Variants in ARHGEF33 observed in about 807,000 individuals in gnomAD.
The protein encoded by ARHGEF33 is Rho guanine nucleotide exchange factor 33.
Under a neutral mutation model 101.9 loss-of-function variants are expected in ARHGEF33, and 72 were observed. The ratio of observed to expected loss-of-function variants is 0.71; its 90% confidence interval spans 0.58 to 0.86. The LOEUF is 0.86. ARHGEF33 is among the 40% of genes least tolerant of loss of function. The probability of loss-of-function intolerance (pLI) is 0.00; values close to 1 mark genes in which losing one functional copy is unlikely to be tolerated. For missense variants in ARHGEF33, 1,169 were observed against 1,111.3 expected, an observed-to-expected ratio of 1.05 and a Z score of -0.74; for synonymous variants, 499 against 442.5, an observed-to-expected ratio of 1.13 and a Z score of -1.60.
chr2:38,932,405 G>A (rs754806454), intron 7 of ARHGEF33, among the ~76,000 whole-genome samples: 3 of 152,114 alleles, frequency 2.0e-5, no homozygotes, highest in African/African-American at 4.8e-5. Flanking sequence ...GGGATTACAG[G>A]CGTGAGCCAC....
In ARHGEF33 at chr2:38,898,229, A is replaced by G. The variant is rs141140061; in HGVS notation, c.-86+2380A>G. 2.9e-3 allele frequency among the ~76,000 whole-genome samples: 449 copies of G among 152,360 alleles called. 4 individuals are homozygous for G. Among genetic ancestry groups the G allele is most frequent in the Middle Eastern group, 0.01 (3 of 294 alleles). ...TTATTTAAAAAGATATATTGCTAAA[A>G]TCAAATGGAATTGATTGGAAAGCCA... is the stretch of plus-strand genomic sequence containing the variant. On this transcript the variant is annotated intron_variant, in intron 2 of 17. Transcript: ENST00000409978.
chr2:38,899,719 C>T (rs571541292), intron 2 of ARHGEF33, among the ~76,000 whole-genome samples: 1 of 152,200 alleles, frequency 6.6e-6, no homozygotes, highest in East Asian at 1.9e-4. Context: ...CTCACCACAA[C>T]AATGACAAGT....
intron 2 of ARHGEF33, among the ~76,000 whole-genome samples, chr2:38,897,824 C>G (rs958976046): frequency 2.6e-5 from 4 of 152,116 alleles, no homozygotes; most frequent in African/African-American, 9.7e-5. Context: ...TTGAAGGACG[C>G]TAGGAGTTTG....
intron 11 of ARHGEF33, among the ~76,000 whole-genome samples, chr2:38,952,205 A>G (rs775186518): frequency 3.3e-5 from 5 of 152,266 alleles, no homozygotes; most frequent in East Asian, 1.9e-4. Flanking sequence ...CTGTGTATCA[A>G]TTATTCTCAA....
chr2:38,967,831 C>T (rs541198985), intron 17 of ARHGEF33, among the ~76,000 whole-genome samples: 5 of 150,642 alleles, frequency 3.3e-5, no homozygotes, highest in East Asian at 2.0e-4. Context: ...CCATCTGCCT[C>T]GGCCTCCCAA....
In ARHGEF33 at chr2:38,975,026, G is replaced by T. The variant is rs1368237033; in HGVS notation, c.*1183G>T. The T allele has an allele frequency of 6.6e-6, 1 of 152,180 alleles. No homozygotes were observed. Among genetic ancestry groups the T allele is most frequent in the East Asian group, 1.9e-4 (1 of 5,206 alleles). 9.4% of individuals were successfully genotyped at this position (152,180 alleles called of 1,614,324 possible). ...TTTAAACAATTTGTCTTTATTCCCA[G>T]GCAGTTCGGTATAGTAAATTAGGGG... On this transcript the variant is annotated 3_prime_UTR_variant, in exon 18 of 18. Coordinates refer to ENST00000409978, the MANE Select transcript of ARHGEF33 (RefSeq NM_001145451.5).
intron 16 of ARHGEF33, among the ~76,000 whole-genome samples, chr2:38,961,432 A>G (rs1667937083): frequency 6.6e-6 from 1 of 152,152 alleles, no homozygotes; most frequent in South Asian, 2.1e-4. Flanking sequence ...GAGGGCATTT[A>G]AAGAGGTCTT....
chr2:38,932,216 G>A (rs1558432289), intron 7 of ARHGEF33, among the ~76,000 whole-genome samples: 1 of 151,944 alleles, frequency 6.6e-6, no homozygotes, highest in African/African-American at 2.4e-5. Context: ...TCTGCCTCCC[G>A]GGTTCAAGTG....
intron 10 of ARHGEF33, among the ~76,000 whole-genome samples, chr2:38,950,561 C>G (rs571274375): frequency 2.0e-5 from 3 of 152,308 alleles, no homozygotes; most frequent in East Asian, 3.9e-4. Flanking sequence ...AAGTGATTCT[C>G]CTGCCTTAGC....
intron 2 of ARHGEF33, among the ~76,000 whole-genome samples, chr2:38,904,338 C>T (rs995356875): frequency 6.6e-6 from 1 of 152,112 alleles, no homozygotes; most frequent in African/African-American, 2.4e-5. Flanking sequence ...GCCTCCTACA[C>T]ATCAGAAATG....
Position 38,928,943 on chromosome 2 carries a change from A to G in ARHGEF33, c.112A>G (p.Thr38Ala). The change falls in exon 5 of 18, where the codon ACA becomes GCA. Residue 38 changes from threonine to alanine, a missense_variant. Transcript: ENST00000409978. The stretch of plus-strand genomic sequence containing the variant: ...AGCCTCCGAACTCAAAACTGGTTTC[A>G]CAGAAGCAATGCAAGAACTGTCAAG... Reference protein sequence around the residue: ...ALASELKTGFTEAMQELSRIQ... With the variant: ...ALASELKTGFAEAMQELSRIQ... The G allele has an allele frequency of 2.6e-6, 4 of 1,551,056 alleles. No homozygotes were observed. The highest frequency in any genetic ancestry group is 3.5e-6 in the Non-Finnish European group (4 of 1,146,658).
rs1348726919 is a variant in ARHGEF33 at position 38,960,521 on chromosome 2, A to C, written c.2216A>C (p.Lys739Thr). Reference sequence around the variant, plus strand: ...AGCAGCGGCGGCCGCGCGCCCATCAAGGCCGAGCGCGCCGCGCAGGCGCAC... The same window carrying C: ...AGCAGCGGCGGCCGCGCGCCCATCACGGCCGAGCGCGCCGCGCAGGCGCAC... ...RSSSGGRAPIKAERAAQAHGP... is the reference protein window; with the variant it reads ...RSSSGGRAPITAERAAQAHGP... The change falls in exon 16 of 18, where the codon AAG becomes ACG. Residue 739 changes from lysine to threonine, a missense_variant. Transcript: ENST00000409978. The C allele has an allele frequency of 3.1e-5, 39 of 1,277,484 alleles. No homozygotes were observed. Among genetic ancestry groups the C allele is most frequent in the Non-Finnish European group, 3.3e-5 (33 of 1,012,320 alleles). 79.1% of individuals were successfully genotyped at this position (1,277,484 alleles called of 1,614,324 possible).
intron 7 of ARHGEF33, among the ~76,000 whole-genome samples, chr2:38,931,790 C>CA (rs1350681376): frequency 6.6e-6 from 1 of 151,794 alleles, no homozygotes. Context: ...AAAGTAAAAA[C>CA]AAAAAAAATT....
chr2:38,956,589 C>T (rs897853728), intron 13 of ARHGEF33, among the ~76,000 whole-genome samples: 12 of 152,144 alleles, frequency 7.9e-5, no homozygotes, highest in African/African-American at 2.9e-4. Context: ...TACTTATAGA[C>T]AGTAATTGTT....
chr2:38,905,533 G>C (rs936013254), intron 2 of ARHGEF33, among the ~76,000 whole-genome samples: 1 of 152,206 alleles, frequency 6.6e-6, no homozygotes, highest in Non-Finnish European at 1.5e-5. Flanking sequence ...AGCCCAGAGA[G>C]AGTGCCTGGC....
rs1267064894 is a variant in ARHGEF33, at chr2:38,959,957, G to A, written c.1652G>A (p.Ser551Asn). ...GGCAGGAAGCACGAGCGGCCCGAGA[G>A]CCTTCTGGCACCGACGCAGTTCTGC... ...LEGRKHERPE[S>N]LLAPTQFCAA... The change falls in exon 16 of 18, where the codon AGC becomes AAC. Residue 551 changes from serine to asparagine, a missense_variant. Physicochemically the swap from Ser to Asn is conservative, Grantham distance 46. Transcript: ENST00000409978. The A allele has an allele frequency of 6.4e-7, 1 of 1,551,394 alleles. No individual in the cohort carries two copies. Among genetic ancestry groups the A allele is most frequent in the Non-Finnish European group, 8.7e-7 (1 of 1,146,896 alleles).
intron 3 of ARHGEF33, among the ~76,000 whole-genome samples, chr2:38,920,930 G>A (rs1341505218): frequency 2.0e-5 from 3 of 152,128 alleles, no homozygotes; most frequent in Non-Finnish European, 4.4e-5. Flanking sequence ...AAAGATCAGA[G>A]GTGGGAGAAG....
intron 13 of ARHGEF33, among the ~76,000 whole-genome samples, chr2:38,955,976 A>T (rs1667743176): frequency 6.6e-6 from 1 of 152,118 alleles, no homozygotes. Context: ...CCCTGAAAAG[A>T]CTTTCAACTG....
At chr2:38,907,214 C>T (rs144160446) in intron 2 of ARHGEF33, among the ~76,000 whole-genome samples, 8 of 152,260 alleles carry the variant, frequency 5.3e-5, no homozygotes, top group East Asian at 3.9e-4. Flanking sequence ...CAAGTATGCA[C>T]GGGCTGTGGA....
Sources: gnomAD v4.1 joint callset for allele counts (sites outside exome capture counted in the v4.1 genomes callset) on GRCh38, gnomAD v4.1.1 for gene constraint, MANE v1.5 for transcripts, NCBI Gene and HGNC (gene_info 2026-07-23, HGNC 2026-07-21) for gene names.